The following RANBP2 variants were observed in gnomAD, a reference collection of about 807,000 sequenced individuals.
RANBP2 encodes E3 SUMO-protein ligase RanBP2.
RANBP2 carries 57 observed loss-of-function variants against 303.6 expected under a neutral mutation model. The ratio of observed to expected loss-of-function variants is 0.19; its 90% CI spans 0.15 to 0.23. The LOEUF (loss-of-function observed/expected upper bound fraction) is 0.23, where lower values mean the gene tolerates loss of function less well. Ranked by LOEUF, RANBP2 falls within the 10% of genes least tolerant of loss-of-function variation. The probability of loss-of-function intolerance (pLI) is 1.00; values close to 1 mark genes in which losing one functional copy is unlikely to be tolerated. For missense variants in RANBP2, 3,138 were observed against 3,780.8 expected (o/e 0.83, Z 4.46); for synonymous variants, 1,167 against 1,301.5 (o/e 0.90, Z 2.23).
the RANBP2 span, chr2:108,910,630 C>A: frequency 7.1e-7 from 1 of 1,405,228 alleles, no homozygotes; most frequent in South Asian, 1.2e-5. Context: ...CAGAGCTGCC[C>A]GGTGTCTGTG....
At chr2:109,170,426 A>T in the RANBP2 span, among the ~76,000 whole-genome samples, 1 of 151,354 alleles carries the variant, frequency 6.6e-6, no homozygotes, top group African/African-American at 2.4e-5. Flanking sequence ...GCTCACTGCA[A>T]CCTCCGCCTC....
chr2:109,292,879 T>C, the RANBP2 span, among the ~76,000 whole-genome samples: 1 of 152,160 alleles, frequency 6.6e-6, no homozygotes, highest in Non-Finnish European at 1.5e-5. Context: ...ATTACAGGTG[T>C]GCACCAGCAT....
At chr2:109,219,950 A>AG in the RANBP2 span, among the ~76,000 whole-genome samples, 1 of 152,240 alleles carries the variant, frequency 6.6e-6, no homozygotes, top group Admixed American at 6.5e-5. Flanking sequence ...TGGAATCTCA[A>AG]GGGACCCCAA....
At chr2:109,318,100 C>CA in the RANBP2 span, among the ~76,000 whole-genome samples, 2,267 of 134,488 alleles carry the variant, frequency 0.017, 55 homozygotes, top group African/African-American at 0.051. Context: ...TTTCAGTACG[C>CA]AAAAAAAAAA....
the RANBP2 span, among the ~76,000 whole-genome samples, chr2:108,922,873 C>T: frequency 6.6e-6 from 1 of 152,202 alleles, no homozygotes; most frequent in Middle Eastern, 3.2e-3. Context: ...AGGAAAGAAA[C>T]ACCCCAAGGC....
At chr2:109,548,335 T>G in the RANBP2 span, among the ~76,000 whole-genome samples, 7 of 152,194 alleles carry the variant, frequency 4.6e-5, no homozygotes, top group African/African-American at 1.7e-4. Flanking sequence ...CATTAACATT[T>G]TAGTTCTGGG....
At chr2:109,410,088 A>G in the RANBP2 span, among the ~76,000 whole-genome samples, 11 of 152,106 alleles carry the variant, frequency 7.2e-5, no homozygotes, top group Non-Finnish European at 1.5e-4. Flanking sequence ...CCTGGTTCCC[A>G]GCCACTGCTT....
chr2:108,800,777 C>T, the RANBP2 span, among the ~76,000 whole-genome samples: 1 of 115,136 alleles, frequency 8.7e-6, no homozygotes, highest in South Asian at 3.2e-4. Flanking sequence ...TCCCTCCCCA[C>T]TCCCCCCACC....
chr2:109,575,888 C>T, the RANBP2 span, among the ~76,000 whole-genome samples: 1 of 152,290 alleles, frequency 6.6e-6, no homozygotes, highest in South Asian at 2.1e-4. Flanking sequence ...TTATAGAATA[C>T]ACATTGTTCT....
the RANBP2 span, among the ~76,000 whole-genome samples, chr2:109,587,874 CT>C: frequency 1.3e-5 from 2 of 151,732 alleles, no homozygotes; most frequent in East Asian, 3.9e-4. Flanking sequence ...GATCGCACCA[CT>C]GCACTCCAGC....
the RANBP2 span, among the ~76,000 whole-genome samples, chr2:109,536,604 G>C: frequency 2.0e-5 from 3 of 152,150 alleles, no homozygotes; most frequent in African/African-American, 7.2e-5. Flanking sequence ...GTGGACTTTT[G>C]AGTTAATGCT....
At chr2:109,303,837 A>T in the RANBP2 span, among the ~76,000 whole-genome samples, 1 of 152,208 alleles carries the variant, frequency 6.6e-6, no homozygotes, top group Non-Finnish European at 1.5e-5. Flanking sequence ...GAACAAGTTC[A>T]TCACCTCTCA....
At chr2:109,324,229 G>A in the RANBP2 span, among the ~76,000 whole-genome samples, 1 of 152,224 alleles carries the variant, frequency 6.6e-6, no homozygotes, top group Non-Finnish European at 1.5e-5. Context: ...CATCTGGGAT[G>A]TTCTCACTTT....
At chr2:109,656,585 C>A in the RANBP2 span, among the ~76,000 whole-genome samples, 1 of 152,196 alleles carries the variant, frequency 6.6e-6, no homozygotes, top group South Asian at 2.1e-4. Flanking sequence ...GGTGATCCAC[C>A]CTCCTCGGCC....
chr2:109,327,486 A>G, the RANBP2 span, among the ~76,000 whole-genome samples: 5 of 148,606 alleles, frequency 3.4e-5, no homozygotes, highest in Non-Finnish European at 5.9e-5. Flanking sequence ...TTTTAAATCA[A>G]TTTGTCAAGT....
the RANBP2 span, among the ~76,000 whole-genome samples, chr2:109,137,899 A>G: frequency 4.6e-5 from 7 of 152,372 alleles, no homozygotes; most frequent in African/African-American, 1.7e-4. Context: ...GGTTGAGGAA[A>G]GTACTCCTGA....
the RANBP2 span, among the ~76,000 whole-genome samples, chr2:109,166,055 C>T: frequency 6.6e-6 from 1 of 152,196 alleles, no homozygotes; most frequent in South Asian, 2.1e-4. Flanking sequence ...TGGTGAGCCT[C>T]ACTGGAGAGC....
the RANBP2 span, among the ~76,000 whole-genome samples, chr2:109,609,338 G>C: frequency 6.6e-6 from 1 of 151,902 alleles, no homozygotes; most frequent in Non-Finnish European, 1.5e-5. Flanking sequence ...AGGATACAAA[G>C]AATAATACAG....
the RANBP2 span, among the ~76,000 whole-genome samples, chr2:108,943,768 C>A: frequency 6.6e-6 from 1 of 152,096 alleles, no homozygotes; most frequent in Non-Finnish European, 1.5e-5. Context: ...GAGCACCCCT[C>A]CTTTCTCCAG....
Sources: gnomAD v4.1 joint callset for allele counts (sites outside exome capture counted in the v4.1 genomes callset) on GRCh38, gnomAD v4.1.1 for gene constraint, MANE v1.5 for transcripts, NCBI Gene and HGNC (gene_info 2026-07-23, HGNC 2026-07-21) for gene names.